Variants in PSD3 observed in about 807,000 individuals in gnomAD.
The protein encoded by PSD3 is pleckstrin and Sec7 domain containing 3.
PSD3 carries 49 observed loss-of-function variants against 105.5 expected under a neutral mutation model. The ratio of observed to expected loss-of-function variants is 0.46; its 90% CI spans 0.37 to 0.59. The LOEUF is 0.59. PSD3 is among the 20% of genes least tolerant of loss of function. The pLI, the probability that PSD3 is intolerant of heterozygous loss-of-function variation, is 0.00. For missense variants in PSD3, 1,561 were observed against 1,263.8 expected (o/e 1.24, Z -3.57); for synonymous variants, 557 against 457.8 (o/e 1.22, Z -2.77).
At chr8:19,045,067 C>T (rs1828263430) in intron 1 of PSD3, among the ~76,000 whole-genome samples, 1 of 152,108 alleles carries the variant, frequency 6.6e-6, no homozygotes, top group Non-Finnish European at 1.5e-5. Context: ...CACCAGTAGT[C>T]CCAGCTACTT....
intron 2 of PSD3, among the ~76,000 whole-genome samples, chr8:18,899,172 A>G (rs1401215249): frequency 6.6e-6 from 1 of 152,086 alleles, no homozygotes; most frequent in Non-Finnish European, 1.5e-5. Context: ...ATTTTGAAGC[A>G]CTCATCTCCA....
At chr8:18,737,447 C>T (rs1417600729) in intron 9 of PSD3, among the ~76,000 whole-genome samples, 1 of 152,092 alleles carries the variant, frequency 6.6e-6, no homozygotes, top group Non-Finnish European at 1.5e-5. Context: ...ACCTCAGCCT[C>T]CCGAGAGGTG....
intron 14 of PSD3, among the ~76,000 whole-genome samples, chr8:18,568,806 C>T (rs1187597119): frequency 3.3e-5 from 5 of 151,852 alleles, no homozygotes; most frequent in African/African-American, 1.2e-4. Context: ...GCTGCACCCA[C>T]TAACTCGTCA....
chr8:18,800,306 T>G (rs544700391), intron 7 of PSD3, among the ~76,000 whole-genome samples: 21 of 152,338 alleles, frequency 1.4e-4, no homozygotes, highest in African/African-American at 4.6e-4. Context: ...AGTGAATAAC[T>G]GGTCTGAATA....
At chr8:18,753,027 G>A (rs900004160) in intron 9 of PSD3, among the ~76,000 whole-genome samples, 1 of 151,650 alleles carries the variant, frequency 6.6e-6, no homozygotes, top group African/African-American at 2.4e-5. Flanking sequence ...ATTTTTTTCT[G>A]GGAAAAAGTG....
chr8:18,782,271 A>G (rs955583033), intron 8 of PSD3, among the ~76,000 whole-genome samples: 2 of 151,952 alleles, frequency 1.3e-5, no homozygotes, highest in African/African-American at 4.8e-5. Flanking sequence ...ATTTATATCT[A>G]TGCATCTGGT....
intron 4 of PSD3, among the ~76,000 whole-genome samples, chr8:18,860,470 AC>A (rs1563354666): frequency 6.6e-6 from 1 of 151,436 alleles, no homozygotes; most frequent in Non-Finnish European, 1.5e-5. Context: ...AAAAAAAAAA[AC>A]AGAGTATCTT....
At chr8:18,993,379 C>G (rs1383001868) in intron 1 of PSD3, among the ~76,000 whole-genome samples, 1 of 149,508 alleles carries the variant, frequency 6.7e-6, no homozygotes, top group African/African-American at 2.4e-5. Flanking sequence ...ACCCAGAATC[C>G]AATAAAATAA....
intron 1 of PSD3, among the ~76,000 whole-genome samples, chr8:19,063,726 G>A (rs1828980045): frequency 6.6e-6 from 1 of 152,222 alleles, no homozygotes; most frequent in African/African-American, 2.4e-5. Context: ...GGAGGACACA[G>A]AATCCTGGCC....
At chr8:18,780,619 C>T (rs1376890096) in intron 8 of PSD3, among the ~76,000 whole-genome samples, 1 of 151,990 alleles carries the variant, frequency 6.6e-6, no homozygotes, top group African/African-American at 2.4e-5. Flanking sequence ...AGTGGTGCGA[C>T]CTTGGCTCAC....
intron 12 of PSD3, among the ~76,000 whole-genome samples, chr8:18,586,904 C>G (rs1397640250): frequency 2.0e-5 from 3 of 152,064 alleles, no homozygotes; most frequent in African/African-American, 7.2e-5. Flanking sequence ...GGATGTAGAG[C>G]CTGAGTGTGC....
At chr8:18,963,296 A>G (rs1326466881) in intron 1 of PSD3, among the ~76,000 whole-genome samples, 1 of 152,162 alleles carries the variant, frequency 6.6e-6, no homozygotes, top group African/African-American at 2.4e-5. Flanking sequence ...GAGCCAAACC[A>G]TATCACCATA....
chr8:19,052,781 G>C (rs1828578134), intron 1 of PSD3, among the ~76,000 whole-genome samples: 1 of 130,828 alleles, frequency 7.6e-6, no homozygotes, highest in African/African-American at 2.8e-5. Flanking sequence ...AGCCCCCTAA[G>C]CTGTGGGTGG....
chr8:18,536,056 C>A, intron 15 of PSD3, 98 bp from the exon 16 acceptor site: 3 of 1,160,258 alleles, frequency 2.6e-6, no homozygotes, highest in Non-Finnish European at 3.7e-6. Context: ...GTGTGAATGG[C>A]TGTTGAAGAC....
At chr8:18,615,937 C>T (rs911663690) in intron 11 of PSD3, among the ~76,000 whole-genome samples, 5 of 152,216 alleles carry the variant, frequency 3.3e-5, no homozygotes, top group South Asian at 2.1e-4. Context: ...AAAATGCCTC[C>T]GGGCAAAAAC....
intron 15 of PSD3, among the ~76,000 whole-genome samples, chr8:18,552,300 T>G (rs1334417098): frequency 1.3e-5 from 2 of 152,234 alleles, no homozygotes; most frequent in Non-Finnish European, 2.9e-5. Context: ...AAGGAGTATG[T>G]TAACATCTGT....
chr8:18,636,027 C>G (rs1245376486), intron 10 of PSD3, among the ~76,000 whole-genome samples: 1 of 152,094 alleles, frequency 6.6e-6, no homozygotes, highest in Non-Finnish European at 1.5e-5. Flanking sequence ...CCTGCAGGTT[C>G]TGCACATGTA....
At chr8:19,011,973 T>C (rs1826972802) in intron 1 of PSD3, among the ~76,000 whole-genome samples, 1 of 152,156 alleles carries the variant, frequency 6.6e-6, no homozygotes, top group Non-Finnish European at 1.5e-5. Flanking sequence ...TGTCTAGGCA[T>C]GGAAATATCA....
intron 9 of PSD3, among the ~76,000 whole-genome samples, chr8:18,657,586 G>C (rs1354533029): frequency 6.6e-6 from 1 of 152,200 alleles, no homozygotes; most frequent in East Asian, 1.9e-4. Flanking sequence ...GAAGAACTCA[G>C]GATTACTGAA....
Sources: allele counts gnomAD v4.1 joint callset (sites outside exome capture counted in the v4.1 genomes callset), GRCh38; gene constraint gnomAD v4.1.1; transcripts MANE v1.5; gene names NCBI Gene and HGNC (gene_info 2026-07-23, HGNC 2026-07-21).